DGLUCY: variants seen among roughly 807,000 people sequenced by gnomAD.
DGLUCY encodes the protein D-glutamate cyclase, mitochondrial.
A neutral mutation model predicts 58.5 loss-of-function variants in DGLUCY; 58 were observed. The ratio of observed to expected loss-of-function variants is 0.99; its 90% CI spans 0.80 to 1.23. The LOEUF is 1.23. Among genes scored for constraint, DGLUCY ranks in the 50% most tolerant of loss-of-function variants. The pLI, the probability that DGLUCY is intolerant of heterozygous loss-of-function variation, is 0.00. For missense variants in DGLUCY, 779 were observed against 784.7 expected (o/e 0.99, Z 0.09); for synonymous variants, 325 against 314.1 (o/e 1.03, Z -0.37).
chr14:91,221,423 G>A, intron 13 of DGLUCY, among the ~76,000 whole-genome samples: 1 of 151,978 alleles, frequency 6.6e-6, no homozygotes, highest in East Asian at 1.9e-4. Context: ...ATGGATAATA[G>A]ATGGATGGAT....
chr14:91,222,474 G>A (rs1483841542), intron 13 of DGLUCY, among the ~76,000 whole-genome samples: 44 of 152,166 alleles, frequency 2.9e-4, no homozygotes, highest in Admixed American at 2.9e-3. Context: ...AACAAAGGGC[G>A]GGAAATGCCA....
chr14:91,074,741 A>G (rs1016618059), intron 1 of DGLUCY, among the ~76,000 whole-genome samples: 1 of 152,306 alleles, frequency 6.6e-6, no homozygotes, highest in Non-Finnish European at 1.5e-5. Context: ...AGTATTCTCT[A>G]ATATTATTTT....
At chr14:91,203,549 G>A (rs936670888) in intron 11 of DGLUCY, among the ~76,000 whole-genome samples, 2 of 152,188 alleles carry the variant, frequency 1.3e-5, no homozygotes, top group African/African-American at 4.8e-5. Flanking sequence ...TCTTCTAGAG[G>A]TGGATTCAGC....
intron 1 of DGLUCY, among the ~76,000 whole-genome samples, chr14:91,142,441 G>A (rs2046753849): frequency 6.6e-6 from 1 of 152,058 alleles, no homozygotes; most frequent in South Asian, 2.1e-4. Flanking sequence ...ATTCTGGGGT[G>A]GACCAAATGC....
At chr14:91,094,357 C>T (rs2044360969) in intron 1 of DGLUCY, among the ~76,000 whole-genome samples, 2 of 151,572 alleles carry the variant, frequency 1.3e-5, no homozygotes, top group Admixed American at 1.3e-4. Flanking sequence ...ATCGCTTGAA[C>T]CCGGGAGGTG....
At chr14:91,195,799 T>C (rs1324754691) in intron 9 of DGLUCY, among the ~76,000 whole-genome samples, 2 of 151,368 alleles carry the variant, frequency 1.3e-5, no homozygotes, top group African/African-American at 2.4e-5. Flanking sequence ...GCCTCCCGAG[T>C]AGCTGGAACT....
intron 8 of DGLUCY, among the ~76,000 whole-genome samples, chr14:91,183,806 C>G (rs2049325173): frequency 6.6e-6 from 1 of 152,118 alleles, no homozygotes; most frequent in African/African-American, 2.4e-5. Context: ...TTATACCTGT[C>G]AGCTAAATTA....
At chr14:91,100,055 C>CAAAAAAAAAAAAAA (rs781379842) in intron 1 of DGLUCY, among the ~76,000 whole-genome samples, 2 of 130,698 alleles carry the variant, frequency 1.5e-5, no homozygotes, top group Admixed American at 8.2e-5. Context: ...AACTCTGTCT[C>CAAAAAAAAAAAAAA]AAAAAAAAAA....
At chr14:91,217,952 C>T (rs778756594) in intron 13 of DGLUCY, among the ~76,000 whole-genome samples, 8 of 152,130 alleles carry the variant, frequency 5.3e-5, no homozygotes, top group Admixed American at 2.0e-4. Context: ...ATTTTACAGA[C>T]GAGAGACCTG....
intron 1 of DGLUCY, among the ~76,000 whole-genome samples, chr14:91,144,865 C>G (rs1254344399): frequency 6.6e-6 from 1 of 152,024 alleles, no homozygotes; most frequent in African/African-American, 2.4e-5. Flanking sequence ...ATTCTTTGTT[C>G]TTGAAAGTGA....
chr14:91,162,660 G>A (rs534502567), intron 3 of DGLUCY, among the ~76,000 whole-genome samples: 1 of 152,308 alleles, frequency 6.6e-6, no homozygotes, highest in East Asian at 1.9e-4. Flanking sequence ...ACTTTGAGAT[G>A]CCAAGGCAAG....
chr14:91,134,443 T>A (rs1812627720), intron 1 of DGLUCY, among the ~76,000 whole-genome samples: 1 of 152,060 alleles, frequency 6.6e-6, no homozygotes, highest in South Asian at 2.1e-4. Context: ...TACATTTCTT[T>A]TTTTTTTTTT....
chr14:91,216,303 C>G (rs541270470), intron 13 of DGLUCY: 1 of 155,600 alleles, frequency 6.4e-6, no homozygotes, highest in South Asian at 2.0e-4. Flanking sequence ...CTGCGCAAGA[C>G]TCTGTGGTTT....
chr14:91,217,388 G>A (rs553026105), intron 13 of DGLUCY, among the ~76,000 whole-genome samples: 15 of 152,232 alleles, frequency 9.9e-5, no homozygotes, highest in Non-Finnish European at 1.8e-4. Flanking sequence ...GCCCGAGATT[G>A]GGTGGGTGGT....
intron 1 of DGLUCY, among the ~76,000 whole-genome samples, chr14:91,081,858 G>GGCC (rs2044132963): frequency 6.6e-6 from 1 of 151,724 alleles, no homozygotes; most frequent in Non-Finnish European, 1.5e-5. Flanking sequence ...CTCCTGCCTT[G>GGCC]GCCTCCCGAG....
chr14:91,149,809 A>C (rs2047213164), intron 1 of DGLUCY, among the ~76,000 whole-genome samples: 1 of 152,250 alleles, frequency 6.6e-6, no homozygotes, highest in Non-Finnish European at 1.5e-5. Context: ...TGGCTAAGTA[A>C]CTAAAAGCAG....
chr14:91,140,633 T>C (rs2046611627), intron 1 of DGLUCY, among the ~76,000 whole-genome samples: 1 of 152,144 alleles, frequency 6.6e-6, no homozygotes, highest in Non-Finnish European at 1.5e-5. Flanking sequence ...ATCACGCCAT[T>C]GCACTCCAGC....
At chr14:91,163,663 G>A (rs1566976234) in intron 3 of DGLUCY, among the ~76,000 whole-genome samples, 1 of 152,156 alleles carries the variant, frequency 6.6e-6, no homozygotes. Flanking sequence ...AGGCCACTCC[G>A]TGATGAAATG....
intron 8 of DGLUCY, among the ~76,000 whole-genome samples, chr14:91,182,811 A>C (rs1039804180): frequency 6.6e-6 from 1 of 152,190 alleles, no homozygotes; most frequent in Admixed American, 6.5e-5. Flanking sequence ...GGGGAAGGAT[A>C]GCCCTTCTGT....
Sources: gnomAD v4.1 joint callset for allele counts (sites outside exome capture counted in the v4.1 genomes callset) on GRCh38, gnomAD v4.1.1 for gene constraint, MANE v1.5 for transcripts, NCBI Gene and HGNC (gene_info 2026-07-23, HGNC 2026-07-21) for gene names.